PLEKHA7: variants seen among roughly 807,000 people sequenced by gnomAD.
PLEKHA7 encodes pleckstrin homology domain containing A7.
Under a neutral mutation model 170.0 loss-of-function variants are expected in PLEKHA7, and 104 were observed. The observed-to-expected ratio is 0.61, with a 90% CI of 0.52 to 0.72. PLEKHA7 has a LOEUF of 0.72. Among genes scored for constraint, PLEKHA7 ranks in the 30% least tolerant of loss-of-function variants. The pLI is 0.00. For synonymous variants in PLEKHA7, 648 were observed against 660.8 expected (o/e 0.98, Z 0.30); for missense variants, 1,615 against 1,671.7 (o/e 0.97, Z 0.59).
chr11:16,935,238 C>T (rs1860204610), intron 3 of PLEKHA7, among the ~76,000 whole-genome samples: 1 of 152,080 alleles, frequency 6.6e-6, no homozygotes, highest in Admixed American at 6.6e-5. Flanking sequence ...AGTTCAAGCC[C>T]AGCCTAGCCA....
intron 9 of PLEKHA7, among the ~76,000 whole-genome samples, chr11:16,837,571 T>A (rs1851614958): frequency 6.6e-6 from 1 of 152,120 alleles, no homozygotes. Flanking sequence ...AAATCCATAG[T>A]GGAATGGGCC....
At chr11:16,924,457 TGA>T (rs1338457514) in intron 3 of PLEKHA7, among the ~76,000 whole-genome samples, 1 of 152,200 alleles carries the variant, frequency 6.6e-6, no homozygotes, top group African/African-American at 2.4e-5. Flanking sequence ...CTCTACCTGC[TGA>T]GAGGACTCAG....
At chr11:16,966,287 T>G (rs1213920218) in intron 3 of PLEKHA7, among the ~76,000 whole-genome samples, 1 of 88,152 alleles carries the variant, frequency 1.1e-5, no homozygotes, top group Non-Finnish European at 2.3e-5. Context: ...TGGTTGTGCA[T>G]GTATGTGTGT....
At chr11:16,790,624 G>A (rs981859117) in intron 21 of PLEKHA7, 174 bp downstream of exon 21, 1 of 610,130 alleles carries the variant, frequency 1.6e-6, no homozygotes, top group Non-Finnish European at 2.9e-6. Context: ...GAATCAGGAT[G>A]TGGGCCAGAG....
chr11:17,000,800 T>C (rs1590823197), intron 3 of PLEKHA7, among the ~76,000 whole-genome samples: 1 of 152,000 alleles, frequency 6.6e-6, no homozygotes, highest in African/African-American at 2.4e-5. Flanking sequence ...AAAAGCAGAG[T>C]GAGGATTTCA....
rs2134203899 is a variant in PLEKHA7, at chr11:16,789,824, A to T, written c.3107T>A (p.Val1036Asp). The part of the protein sequence containing the change: ...LQQSSTIAPY[V>D]TLRRGLNAES... Reference sequence around the variant, plus strand: ...GGCATTGAGACCCCTCCGGAGTGTGACGTAGGGAGCAATGGTGGACGACTG... The same window carrying T: ...GGCATTGAGACCCCTCCGGAGTGTGTCGTAGGGAGCAATGGTGGACGACTG... The change falls in exon 22 of 27, where the codon GTC becomes GAC. Residue 1036 changes from valine (V) to aspartate (D), a missense_variant. Val to Asp is a radical substitution (Grantham distance 152). Transcript: ENST00000531066. This position sits in a 1 kb window ranked among gnomAD's most constrained non-coding sequence, Gnocchi z 4.6. 6 of 1,614,138 alleles carry T rather than the reference A, an allele frequency of 3.7e-6. No individual in the cohort carries two copies. The highest frequency in any genetic ancestry group is 1.7e-4 in the Middle Eastern group (1 of 6,060).
chr11:16,979,640 T>C (rs10766365), intron 3 of PLEKHA7, among the ~76,000 whole-genome samples: 150,495 of 152,186 alleles, frequency 0.99, 74,435 homozygotes, highest in East Asian at 1. Flanking sequence ...TTACCATTTT[T>C]GTTGTTTTCA....
chr11:16,900,525 T>C (rs1452686454), intron 3 of PLEKHA7, among the ~76,000 whole-genome samples: 2 of 152,210 alleles, frequency 1.3e-5, no homozygotes, highest in Admixed American at 1.3e-4. Flanking sequence ...ATTATATTTC[T>C]TCCTTTTGCA....
chr11:16,835,628 C>T (rs1306199494), intron 9 of PLEKHA7, among the ~76,000 whole-genome samples: 1 of 152,178 alleles, frequency 6.6e-6, no homozygotes, highest in Non-Finnish European at 1.5e-5. Flanking sequence ...GCACTTGATA[C>T]ATTTGTTTAA....
In PLEKHA7 at chr11:16,956,051, C is replaced by G. The variant is rs776222943; in HGVS notation, c.221+57938G>C. On this transcript the variant is annotated intron_variant, in intron 3 of 26. Coordinates refer to ENST00000531066, the MANE Select transcript of PLEKHA7 (RefSeq NM_001329630.2). ...GGGATGAGTATGGTAAGTGACCACACGCAGTAGCCTAGTTTGTGGAAATAT... is the reference window on the plus strand; with the variant it reads ...GGGATGAGTATGGTAAGTGACCACAGGCAGTAGCCTAGTTTGTGGAAATAT... 2.1e-3 allele frequency among the ~76,000 whole-genome samples: 321 copies of G among 152,288 alleles called. 1 individual carries two copies. Among genetic ancestry groups the G allele is most frequent in the Non-Finnish European group, 3.0e-3 (202 of 68,026 alleles).
intron 26 of PLEKHA7, among the ~76,000 whole-genome samples, chr11:16,779,327 C>T (rs758570848): frequency 2.0e-5 from 3 of 152,246 alleles, no homozygotes; most frequent in Non-Finnish European, 4.4e-5. Context: ...GTGGGTAGCG[C>T]TCTTGGCCTC....
chr11:16,945,524 A>G (rs1860972590), intron 3 of PLEKHA7, among the ~76,000 whole-genome samples: 1 of 152,170 alleles, frequency 6.6e-6, no homozygotes, highest in Non-Finnish European at 1.5e-5. Flanking sequence ...TTGGTAAGGG[A>G]TGATGGATAG....
intron 3 of PLEKHA7, among the ~76,000 whole-genome samples, chr11:16,880,882 T>C (rs564575415): frequency 6.6e-6 from 1 of 152,234 alleles, no homozygotes; most frequent in Admixed American, 6.5e-5. Flanking sequence ...GTTTCCAGGA[T>C]GTTCCCTCCA....
Position 16,905,336 on chromosome 11 carries a change from G to T in PLEKHA7, c.222-34154C>A, listed in dbSNP as rs141274494. On this transcript the variant is annotated intron_variant, in intron 3 of 26. Transcript: ENST00000531066. The stretch of plus-strand genomic sequence containing the variant: ...TAAAATCCAGAAGATACATTAAGGT[G>T]AAGTGAATATGGCTGTTTTTCCCCT... 1.6e-3 allele frequency among the ~76,000 whole-genome samples: 248 copies of T among 152,260 alleles called. 1 individual carries two copies. The highest frequency in any genetic ancestry group is 5.7e-3 in the African/African-American group (237 of 41,542).
At chr11:16,990,399 AGCACTC>A (rs1157442979) in intron 3 of PLEKHA7, among the ~76,000 whole-genome samples, 2 of 151,794 alleles carry the variant, frequency 1.3e-5, no homozygotes, top group African/African-American at 4.8e-5. Flanking sequence ...CACCTTATAC[AGCACTC>A]GTACCTCACC....
chr11:16,813,162 T>C lies in PLEKHA7; in HGVS notation c.1958A>G (p.Asp653Gly), dbSNP rs757436873. Residue 653 changes from aspartate (D) to glycine (G), a missense_variant, in exon 13 of 27, where the codon GAT becomes GGT. Transcript: ENST00000531066. ...TTTCTTCAGCTGGAGGTAGGTATCATCAGCCTTCAAATGAAGCAGAGAGGA... is the reference window on the plus strand; with the variant it reads ...TTTCTTCAGCTGGAGGTAGGTATCACCAGCCTTCAAATGAAGCAGAGAGGA... ...SAPSLHGKSADDTYLQLKKDL... is the reference protein window; with the variant it reads ...SAPSLHGKSAGDTYLQLKKDL... 2 of 1,613,198 alleles carry C rather than the reference T, an allele frequency of 1.2e-6. No individual in the cohort carries two copies. The highest frequency in any genetic ancestry group is 3.3e-5 in the Admixed American group (2 of 59,986).
At chr11:16,969,262 A>G (rs1311250715) in intron 3 of PLEKHA7, among the ~76,000 whole-genome samples, 2 of 152,188 alleles carry the variant, frequency 1.3e-5, no homozygotes, top group Non-Finnish European at 2.9e-5. Context: ...ATTAGAGCTA[A>G]AAGATCTTAA....
chr11:16,841,578 C>T lies in PLEKHA7; in HGVS notation c.841G>A (p.Ala281Thr), dbSNP rs1277820088. ...NAWVRAMNQAAQVLSRSSLKR... is the reference protein window; with the variant it reads ...NAWVRAMNQATQVLSRSSLKR... ...AGTGACGATCGAGACAGCACCTGTG[C>T]AGCCTGGTTCATGGCCCTGACCCAA... is the stretch of plus-strand genomic sequence containing the variant. The change falls in exon 9 of 27, where the codon GCA becomes ACA. Residue 281 changes from alanine to threonine, a missense_variant. Coordinates refer to ENST00000531066, the MANE Select transcript of PLEKHA7 (RefSeq NM_001329630.2). The T allele has an allele frequency of 6.2e-7, 1 of 1,613,890 alleles. No individual in the cohort carries two copies. Among genetic ancestry groups the T allele is most frequent in the Admixed American group, 1.7e-5 (1 of 60,018 alleles).
intron 3 of PLEKHA7, among the ~76,000 whole-genome samples, chr11:16,995,010 A>G (rs1864256321): frequency 1.3e-5 from 2 of 152,254 alleles, no homozygotes; most frequent in South Asian, 4.1e-4. Context: ...AATGCCTGTC[A>G]TGGAGCTAAT....
Sources: allele counts gnomAD v4.1 joint callset (sites outside exome capture counted in the v4.1 genomes callset), GRCh38; gene constraint gnomAD v4.1.1; non-coding constraint Gnocchi (gnomAD v3.1); transcripts MANE v1.5; gene names NCBI Gene and HGNC (gene_info 2026-07-23, HGNC 2026-07-21).